The following DIABLO variants were observed in gnomAD, a reference collection of about 807,000 sequenced individuals.
DIABLO encodes the protein diablo homolog, mitochondrial.
Under a neutral mutation model 31.7 loss-of-function variants are expected in DIABLO, and 32 were observed. The observed-to-expected ratio is 1.01, with a 90% CI of 0.76 to 1.35. DIABLO has a LOEUF of 1.35. Ranked by LOEUF, DIABLO falls within the 40% of genes most tolerant of loss-of-function variation. The probability of loss-of-function intolerance (pLI) is 0.00; values close to 1 mark genes in which losing one functional copy is unlikely to be tolerated. For missense variants in DIABLO, 316 were observed against 286.4 expected (o/e 1.10, Z -0.75); for synonymous variants, 132 against 103.2 (o/e 1.28, Z -1.69).
intron 3 of DIABLO, chr12:122,217,447 G>A (rs12826834): frequency 0.24 from 37,771 of 158,644 alleles, 5,316 homozygotes; most frequent in East Asian, 0.61. Context: ...CCCAGGAGGC[G>A]GAGATTGCAG....
chr12:122,211,568 G>T (rs1954090277), intron 5 of DIABLO, among the ~76,000 whole-genome samples: 1 of 151,860 alleles, frequency 6.6e-6, no homozygotes, highest in Non-Finnish European at 1.5e-5. Context: ...AAAATTAGTT[G>T]GGCTGCTTGG....
At chr12:122,218,658 G>A (rs1954268238) in intron 2 of DIABLO, 4 of 445,790 alleles carry the variant, frequency 9.0e-6, no homozygotes, top group South Asian at 2.1e-5. Context: ...AAAATAAATT[G>A]TGGCGGGGTA....
chr12:122,219,720 G>A (rs1954293281), intron 2 of DIABLO, among the ~76,000 whole-genome samples: 1 of 151,536 alleles, frequency 6.6e-6, no homozygotes, highest in African/African-American at 2.4e-5. Flanking sequence ...AAAATTAGCT[G>A]GGCATGGTGG....
chr12:122,225,858 CGA>C (rs1413811660), intron 1 of DIABLO, 105 bp downstream of exon 1: 6 of 1,535,882 alleles, frequency 3.9e-6, no homozygotes, highest in Non-Finnish European at 5.3e-6. Flanking sequence ...GCTGGGCGGA[CGA>C]GAGATGAGCG....
chr12:122,216,830 T>A lies in DIABLO; in HGVS notation c.355A>T (p.Ser119Cys). 6.2e-7 allele frequency: 1 copy of A among 1,614,140 alleles called. No individual in the cohort carries two copies. The highest frequency in any genetic ancestry group is 1.1e-5 in the South Asian group (1 of 91,086). The change falls in exon 4 of 6, where the codon AGT becomes TGT. Residue 119 changes from serine (S) to cysteine (C), a missense_variant. By Grantham distance (112) the Ser-to-Cys change is moderately radical. Coordinates refer to ENST00000464942, the MANE Select transcript of DIABLO (RefSeq NM_001371333.1). ...TLTSLYRQYT[S>C]LLGKMNSEEE... ...TCTGAATTCATTTTCCCAAGTAAAC[T>A]TGTATATTGTCGGTAAAGAGAAGTT...
chr12:122,210,980 A>G (rs984340573), intron 5 of DIABLO, among the ~76,000 whole-genome samples: 12 of 149,790 alleles, frequency 8.0e-5, no homozygotes, highest in African/African-American at 2.7e-4. Context: ...GGTTGAGACT[A>G]CAGCAAGCTA....
At chr12:122,211,077 TAAAAAAAAAAAAAAAAAAAAAA>T (rs1156571584) in intron 5 of DIABLO, among the ~76,000 whole-genome samples, 3 of 14,344 alleles carry the variant, frequency 2.1e-4, no homozygotes, top group Admixed American at 2.3e-3. Flanking sequence ...TAGTTAAAAG[TAAAAAAAAAAAAAAAAAAAAAA>T]AAAAAAAAAA....
intron 2 of DIABLO, chr12:122,220,553 G>T (rs1954310824): frequency 6.6e-6 from 1 of 152,220 alleles, no homozygotes; most frequent in Admixed American, 6.5e-5. Context: ...TACTCGGGAG[G>T]CTGAGGCAGG....
At chr12:122,209,935 A>G (rs774884748) in intron 5 of DIABLO, 16 of 628,384 alleles carry the variant, frequency 2.5e-5, no homozygotes, top group Non-Finnish European at 3.7e-5. Flanking sequence ...AATTGTACTT[A>G]GATTCGAATC....
chr12:122,209,890 T>C, intron 5 of DIABLO: 1 of 681,524 alleles, frequency 1.5e-6, no homozygotes, highest in East Asian at 2.7e-5. Context: ...TAGGATTACT[T>C]AACCTTTATT....
upstream of DIABLO, among the ~76,000 whole-genome samples, chr12:122,227,165 C>T (rs967785992): frequency 3.3e-5 from 5 of 152,202 alleles, no homozygotes; most frequent in African/African-American, 1.2e-4. Context: ...CGATCCTGGG[C>T]TCACCCCCGC....
rs769830268 is a variant in DIABLO at position 122,208,286 on chromosome 12, C to T, written c.*95G>A. ...GCCAGGGCAGGATCTGCCGCCTCTT[C>T]TCGGTGCACAGACAGTCATGCCAAC... On this transcript the variant is annotated 3_prime_UTR_variant, in exon 6 of 6. Transcript: ENST00000464942. 8.2e-6 allele frequency: 12 copies of T among 1,465,612 alleles called. No individual in the cohort carries two copies. The South Asian group carries it at 1.3e-4, about 15-fold the overall frequency. 90.8% of individuals were successfully genotyped at this position (1,465,612 alleles called of 1,614,324 possible). A position where few individuals can be genotyped will look rare whatever the true frequency, so the allele number is the denominator to read the frequency against.
In DIABLO at chr12:122,208,187, C is replaced by A; in HGVS notation, c.*194G>T. On this transcript the variant is annotated 3_prime_UTR_variant, in exon 6 of 6. Transcript: ENST00000464942. ...TTAAACAGGGTGCAGTGCCCAAGGG[C>A]TAAGAACCAGGTCCAGCGCAAGCCT... is the stretch of plus-strand genomic sequence containing the variant. 1.4e-6 allele frequency: 1 copy of A among 726,290 alleles called. No individual in the cohort carries two copies. The highest frequency in any genetic ancestry group is 2.4e-6 in the Non-Finnish European group (1 of 410,172). 45.0% of individuals were successfully genotyped at this position (726,290 alleles called of 1,614,324 possible). A position where few individuals can be genotyped will look rare whatever the true frequency, so the allele number is the denominator to read the frequency against.
chr12:122,217,661 C>T (rs770806257), intron 3 of DIABLO: 7 of 156,596 alleles, frequency 4.5e-5, no homozygotes, highest in African/African-American at 9.6e-5. Flanking sequence ...ACTACAGGCA[C>T]ACAACACACC....
At chr12:122,208,673 C>A (rs1004131039) in intron 5 of DIABLO, 96 bp from the exon 6 acceptor site, 9 of 1,297,062 alleles carry the variant, frequency 6.9e-6, no homozygotes, top group East Asian at 2.5e-5. Context: ...GTCATCTGAA[C>A]CCCTCTTGGG....
At chr12:122,213,019 C>G (rs1307877022) in intron 5 of DIABLO, among the ~76,000 whole-genome samples, 1 of 151,998 alleles carries the variant, frequency 6.6e-6, no homozygotes, top group Non-Finnish European at 1.5e-5. Context: ...CTCCAGGGCC[C>G]AAGTGATCCT....
intron 5 of DIABLO, among the ~76,000 whole-genome samples, chr12:122,211,525 A>G (rs1954088710): frequency 6.6e-6 from 1 of 151,996 alleles, no homozygotes; most frequent in African/African-American, 2.4e-5. Context: ...CCTGGGGAAC[A>G]TAACAAGACA....
intron 2 of DIABLO, among the ~76,000 whole-genome samples, chr12:122,220,342 C>G (rs948183404): frequency 1.3e-5 from 2 of 152,130 alleles, no homozygotes; most frequent in African/African-American, 2.4e-5. Context: ...ACTGTAATGA[C>G]ACATCCTCCC....
At chr12:122,211,037 T>A (rs1240925588) in intron 5 of DIABLO, among the ~76,000 whole-genome samples, 3 of 117,220 alleles carry the variant, frequency 2.6e-5, no homozygotes, top group African/African-American at 6.5e-5. Flanking sequence ...CCTGTCTCTC[T>A]CACACACACA....
Sources: allele counts gnomAD v4.1 joint callset (sites outside exome capture counted in the v4.1 genomes callset), GRCh38; gene constraint gnomAD v4.1.1; transcripts MANE v1.5; gene names NCBI Gene and HGNC (gene_info 2026-07-23, HGNC 2026-07-21).